Variants in CABYR observed in about 807,000 individuals in gnomAD.
The protein encoded by CABYR is calcium binding tyrosine phosphorylation regulated, also known as calcium-binding tyrosine phosphorylation-regulated protein.
Under a neutral mutation model 36.1 loss-of-function variants are expected in CABYR, and 31 were observed. The observed-to-expected ratio is 0.86, with a 90% CI of 0.64 to 1.16. The LOEUF (loss-of-function observed/expected upper bound fraction) is 1.16. Ranked by LOEUF, CABYR falls within the 50% of genes most tolerant of loss-of-function variation. CABYR has a pLI of 0.00. For synonymous variants in CABYR, 146 were observed against 160.7 expected (o/e 0.91, Z 0.69); for missense variants, 429 against 455.8 (o/e 0.94, Z 0.53).
chr18:24,159,600 A>G lies in CABYR; in HGVS notation c.670A>G (p.Thr224Ala). 6.2e-7 allele frequency: 1 copy of G among 1,613,976 alleles called. No homozygotes were observed. The change falls in exon 5 of 6, where the codon ACC becomes GCC. Residue 224 changes from threonine to alanine, a missense_variant. Transcript: ENST00000399496. ...TGCACCTGGGCCTTTTCCCCAAGCA[A>G]CCCTCTATTTACCTAATCCTAAGGA... ...PPAPGPFPQA[T>A]LYLPNPKDPQ...
At chr18:24,148,417 G>A (rs2085511524) in intron 3 of CABYR, among the ~76,000 whole-genome samples, 1 of 152,170 alleles carries the variant, frequency 6.6e-6, no homozygotes, top group Non-Finnish European at 1.5e-5. Flanking sequence ...CGAAGAATAA[G>A]GGAGGGAATG....
chr18:24,141,745 C>T (rs985551493), intron 1 of CABYR, among the ~76,000 whole-genome samples: 8 of 152,130 alleles, frequency 5.3e-5, no homozygotes, highest in African/African-American at 1.7e-4. Context: ...CACCCTGACA[C>T]AGTTTCAGGT....
intron 5 of CABYR, among the ~76,000 whole-genome samples, chr18:24,160,618 ATACT>A (rs1160738063): frequency 2.0e-5 from 3 of 152,232 alleles, no homozygotes; most frequent in Admixed American, 2.0e-4. Context: ...TTTTTCATTC[ATACT>A]TAATGCCAAA....
At chr18:24,139,334 C>T (rs1411996379) in intron 1 of CABYR, 3 of 152,228 alleles carry the variant, frequency 2.0e-5, no homozygotes, top group Non-Finnish European at 4.4e-5. Flanking sequence ...TCGCCCGCCT[C>T]TCTTGGACAA....
chr18:24,160,707 G>GAGAC (rs1374819917), intron 5 of CABYR: 1 of 152,652 alleles, frequency 6.6e-6, no homozygotes, highest in African/African-American at 2.4e-5. Flanking sequence ...CTTAGTTGGG[G>GAGAC]AGACAGACAA....
chr18:24,153,278 C>T (rs147718773), intron 3 of CABYR, among the ~76,000 whole-genome samples: 1 of 151,818 alleles, frequency 6.6e-6, no homozygotes, highest in Non-Finnish European at 1.5e-5. Context: ...TCCTGCCCTC[C>T]GTCATGTGGT....
At chr18:24,149,720 G>A (rs973293166) in intron 3 of CABYR, among the ~76,000 whole-genome samples, 7 of 152,256 alleles carry the variant, frequency 4.6e-5, no homozygotes, top group Non-Finnish European at 5.9e-5. Context: ...GCTAAGGCCC[G>A]GCGAGAAATC....
At position 24,155,881 on chromosome 18, in the gene CABYR, C is replaced by G; in HGVS notation, c.380C>G (p.Ala127Gly). The G allele has an allele frequency of 6.2e-7, 1 of 1,614,192 alleles. No homozygotes were observed. The highest frequency in any genetic ancestry group is 8.5e-7 in the Non-Finnish European group (1 of 1,180,036). Residue 127 changes from alanine (A) to glycine (G), a missense_variant, in exon 4 of 6, where the codon GCT becomes GGT. Ala to Gly is a moderately conservative substitution (Grantham distance 60). Coordinates refer to ENST00000399496, the MANE Select transcript of CABYR (RefSeq NM_153769.3). The stretch of plus-strand genomic sequence containing the variant: ...ACCACCCAGTTTCCATCAGTTTATG[C>G]TGTGCCAGGCACTGAGCAAACGGAA... ...DKTTQFPSVY[A>G]VPGTEQTEAV... is the part of the protein sequence containing the mutation.
At chr18:24,144,874 A>G (rs2085422644) in intron 3 of CABYR, among the ~76,000 whole-genome samples, 1 of 152,260 alleles carries the variant, frequency 6.6e-6, no homozygotes, top group South Asian at 2.1e-4. Context: ...ATGCAAGATG[A>G]GATCAGTTAG....
intron 4 of CABYR, chr18:24,156,390 T>G (rs1266545823): frequency 6.2e-7 from 1 of 1,614,126 alleles, no homozygotes; most frequent in African/African-American, 1.3e-5. Flanking sequence ...ATCATCTGTC[T>G]ATAACGATGT....
intron 4 of CABYR, among the ~76,000 whole-genome samples, chr18:24,158,120 A>G (rs1434749569): frequency 1.3e-5 from 2 of 152,128 alleles, no homozygotes; most frequent in Non-Finnish European, 2.9e-5. Flanking sequence ...ATGCTTAACT[A>G]TTTCTAAAGG....
chr18:24,147,117 C>A (rs149535545), intron 3 of CABYR, among the ~76,000 whole-genome samples: 55 of 152,126 alleles, frequency 3.6e-4, no homozygotes, highest in Non-Finnish European at 7.1e-4. Flanking sequence ...CACAGTGAGA[C>A]CTTGTCTCTA....
chr18:24,143,403 T>C lies in CABYR; in HGVS notation c.189T>C (p.His63=). Residue 63 remains histidine, a synonymous_variant, in exon 3 of 6, where the codon CAT becomes CAC. Transcript: ENST00000399496. ...TAAAAGATCTGGTTAAACAATTTCA[T>C]CAGATTAAAGGTAAGTACCACAAGT... ...MDIKDLVKQF[H]QIKVEKWSEG... The C allele has an allele frequency of 1.3e-6, 2 of 1,554,486 alleles. No homozygotes were observed. The highest frequency in any genetic ancestry group is 1.8e-6 in the Non-Finnish European group (2 of 1,134,666).
In CABYR at chr18:24,160,017, G is replaced by C. The variant is rs369028252; in HGVS notation, c.1087G>C (p.Glu363Gln). Reference sequence around the variant, plus strand: ...CTTTGGAAGTTACGGTATTGCTGGGGAGGTAACCGTGACTACTGCTCACAA... The same window carrying C: ...CTTTGGAAGTTACGGTATTGCTGGGCAGGTAACCGTGACTACTGCTCACAA... ...APFGSYGIAG[E>Q]VTVTTAHKRR... Residue 363 changes from glutamate (E) to glutamine (Q), a missense_variant, in exon 5 of 6, where the codon GAG becomes CAG. Glu to Gln is a conservative substitution (Grantham distance 29). Coordinates refer to ENST00000399496, the MANE Select transcript of CABYR (RefSeq NM_153769.3). The C allele has an allele frequency of 1.2e-6, 2 of 1,614,024 alleles. No homozygotes were observed. The highest frequency in any genetic ancestry group is 2.7e-5 in the African/African-American group (2 of 74,918).
intron 4 of CABYR, chr18:24,156,586 C>G: frequency 6.2e-7 from 1 of 1,614,178 alleles, no homozygotes; most frequent in Non-Finnish European, 8.5e-7. Context: ...TCTGTAGAGT[C>G]TGTAAAACTT....
At chr18:24,150,462 T>C in intron 3 of CABYR, 1 of 342,894 alleles carries the variant, frequency 2.9e-6, no homozygotes, top group Non-Finnish European at 4.1e-6. Context: ...GCTGACTACA[T>C]TGTCATATAA....
intron 1 of CABYR, among the ~76,000 whole-genome samples, chr18:24,140,516 T>TGGG (rs1205639415): frequency 3.4e-5 from 5 of 145,026 alleles, no homozygotes; most frequent in Admixed American, 3.4e-4. Flanking sequence ...ACATTGGGAA[T>TGGG]GGGGCATCTA....
At chr18:24,140,091 G>C (rs1006323927) in intron 1 of CABYR, 1 of 151,878 alleles carries the variant, frequency 6.6e-6, no homozygotes, top group Admixed American at 6.6e-5. Flanking sequence ...ACGCCCGGCT[G>C]ATTTTTTGTT....
chr18:24,157,091 C>T, intron 4 of CABYR: 1 of 917,914 alleles, frequency 1.1e-6, no homozygotes, highest in African/African-American at 1.7e-5. Context: ...GCAGATTGGT[C>T]AGTCTTTATT....
Sources: gnomAD v4.1 joint callset for allele counts (sites outside exome capture counted in the v4.1 genomes callset) on GRCh38, gnomAD v4.1.1 for gene constraint, MANE v1.5 for transcripts, NCBI Gene and HGNC (gene_info 2026-07-23, HGNC 2026-07-21) for gene names.